MC2R: variants seen among roughly 807,000 people sequenced by gnomAD.
The protein encoded by MC2R is melanocortin 2 receptor.
A neutral mutation model predicts 9.8 loss-of-function variants in MC2R; 9 were observed. That is an observed-to-expected ratio of 0.92 (90% confidence interval 0.55 to 1.60). MC2R has a LOEUF of 1.60. MC2R is among the 40% of genes most tolerant of loss of function. The pLI is 0.00. For synonymous variants in MC2R, 185 were observed against 154.7 expected (o/e 1.20, Z -1.45); for missense variants, 370 against 389.0 (o/e 0.95, Z 0.41).
intron 1 of MC2R, among the ~76,000 whole-genome samples, 175 bp downstream of exon 1, chr18:13,915,313 T>C (rs2045469880): frequency 6.6e-6 from 1 of 152,234 alleles, no homozygotes; most frequent in African/African-American, 2.4e-5. Flanking sequence ...TTCATTGTAG[T>C]AGTTTAATTA....
chr18:13,907,204 CA>C (rs1326631224), intron 1 of MC2R, among the ~76,000 whole-genome samples: 2 of 152,092 alleles, frequency 1.3e-5, no homozygotes, highest in Non-Finnish European at 2.9e-5. Context: ...ATAAATAACC[CA>C]GCTATAAATC....
intron 1 of MC2R, among the ~76,000 whole-genome samples, chr18:13,912,965 C>T (rs73957726): frequency 0.021 from 3,251 of 152,248 alleles, 107 homozygotes; most frequent in African/African-American, 0.074. Context: ...AGAAGCATCT[C>T]TCGGTGTGAT....
intron 1 of MC2R, among the ~76,000 whole-genome samples, chr18:13,909,664 A>G (rs142190297): frequency 2.3e-3 from 343 of 152,304 alleles, no homozygotes; most frequent in Admixed American, 5.3e-3. Context: ...TATTGCTTAA[A>G]TTGTTCCAAC....
At chr18:13,890,551 T>G (rs1221866081) in intron 1 of MC2R, among the ~76,000 whole-genome samples, 1 of 152,058 alleles carries the variant, frequency 6.6e-6, no homozygotes, top group Non-Finnish European at 1.5e-5. Flanking sequence ...CGTGTCGGGG[T>G]GAGGTTCTGG....
At chr18:13,907,770 T>A (rs1442392480) in intron 1 of MC2R, among the ~76,000 whole-genome samples, 3 of 152,162 alleles carry the variant, frequency 2.0e-5, no homozygotes, top group African/African-American at 4.8e-5. Flanking sequence ...CAAACAGGTA[T>A]ATGAAAAATT....
At chr18:13,886,095 T>A (rs182193527) in intron 1 of MC2R, among the ~76,000 whole-genome samples, 1 of 152,082 alleles carries the variant, frequency 6.6e-6, no homozygotes, top group African/African-American at 2.4e-5. Flanking sequence ...GGGCGGGTGA[T>A]GAGAAATTAC....
intron 1 of MC2R, among the ~76,000 whole-genome samples, chr18:13,887,820 A>G (rs1463363939): frequency 6.6e-6 from 1 of 152,100 alleles, no homozygotes; most frequent in Non-Finnish European, 1.5e-5. Context: ...AGACCAGAAC[A>G]CATCATCTAC....
intron 1 of MC2R, among the ~76,000 whole-genome samples, chr18:13,896,752 G>T (rs1323668390): frequency 6.6e-6 from 1 of 152,056 alleles, no homozygotes; most frequent in Admixed American, 6.6e-5. Context: ...CAGTGGCCTT[G>T]AACAAATAAT....
rs1342957472 is a variant in MC2R, at chr18:13,884,818, G to C, written c.701C>G (p.Pro234Arg). The C allele has an allele frequency of 6.2e-7, 1 of 1,614,010 alleles. No individual in the cohort carries two copies. Among genetic ancestry groups the C allele is most frequent in the Admixed American group, 1.7e-5 (1 of 60,020 alleles). Reference sequence around the variant, plus strand: ...CATCAAGAGGACATGAAGCACAAAGGGGGCCCAGCAGAAGATGAAGACCCC... The same window carrying C: ...CATCAAGAGGACATGAAGCACAAAGCGGGCCCAGCAGAAGATGAAGACCCC... Reference protein sequence around the residue: ...LLGVFIFCWAPFVLHVLLMTF... With the variant: ...LLGVFIFCWARFVLHVLLMTF... Residue 234 changes from proline (P) to arginine (R), a missense_variant, in exon 2 of 2, where the codon CCC becomes CGC. Physicochemically the swap from Pro to Arg is moderately radical, Grantham distance 103. Coordinates refer to ENST00000327606, the MANE Select transcript of MC2R (RefSeq NM_000529.2).
rs750654248 is a variant in MC2R at position 13,883,844 on chromosome 18, A to G, written c.*781T>C. The stretch of plus-strand genomic sequence containing the variant: ...ATTTTCATTTCTTCCTTTGAAATGT[A>G]TGCTCATAAAGCATGAGGAAATGTA... On this transcript the variant is annotated 3_prime_UTR_variant, in exon 2 of 2. Coordinates refer to ENST00000327606, the MANE Select transcript of MC2R (RefSeq NM_000529.2). 2 of 152,342 alleles carry G rather than the reference A, an allele frequency of 1.3e-5. No homozygotes were observed. The highest frequency in any genetic ancestry group is 2.4e-5 in the African/African-American group (1 of 41,458). 9.4% of individuals were successfully genotyped at this position (152,342 alleles called of 1,614,324 possible).
At chr18:13,913,920 C>G (rs2045461340) in intron 1 of MC2R, among the ~76,000 whole-genome samples, 1 of 152,220 alleles carries the variant, frequency 6.6e-6, no homozygotes. Context: ...TGCAGACAAC[C>G]TGGCCCACAG....
At chr18:13,896,878 C>T (rs34835077) in intron 1 of MC2R, among the ~76,000 whole-genome samples, 5 of 151,954 alleles carry the variant, frequency 3.3e-5, no homozygotes, top group Admixed American at 1.3e-4. Flanking sequence ...AAATATACTC[C>T]GCAAGTCCAT....
chr18:13,915,450 A>T (rs916069825), intron 1 of MC2R, 38 bp downstream of exon 1: 1 of 152,710 alleles, frequency 6.5e-6, no homozygotes, highest in South Asian at 2.1e-4. Context: ...GTCCAAAAGC[A>T]CTTAGCAAGC....
chr18:13,895,144 C>T (rs1435805856), intron 1 of MC2R, among the ~76,000 whole-genome samples: 1 of 152,180 alleles, frequency 6.6e-6, no homozygotes, highest in Non-Finnish European at 1.5e-5. Context: ...ACTTGAACAA[C>T]CCAGGGTAAT....
chr18:13,886,604 G>A (rs961773595), intron 1 of MC2R, among the ~76,000 whole-genome samples: 1 of 152,190 alleles, frequency 6.6e-6, no homozygotes, highest in Non-Finnish European at 1.5e-5. Context: ...TAACGGTAAA[G>A]GTGCTGATGT....
chr18:13,898,880 G>T (rs758873311), intron 1 of MC2R, among the ~76,000 whole-genome samples: 85 of 152,248 alleles, frequency 5.6e-4, no homozygotes, highest in Non-Finnish European at 9.3e-4. Flanking sequence ...TTAAATATCT[G>T]GAAAGCCTTC....
At position 13,885,510 on chromosome 18, in the gene MC2R, G is replaced by A; in HGVS notation, c.9C>T (p.His3=). MK[H]IINSYENINN... ...TGATGTTTTCATACGAGTTGATAAT[G>A]TGCTTCATTTCTCCTGCTTGTGGTT... The change falls in exon 2 of 2, where the codon CAC becomes CAT. Residue 3 remains histidine, a synonymous_variant. Coordinates refer to ENST00000327606, the MANE Select transcript of MC2R (RefSeq NM_000529.2). 6.2e-7 allele frequency: 1 copy of A among 1,614,140 alleles called. No individual in the cohort carries two copies. The highest frequency in any genetic ancestry group is 8.5e-7 in the Non-Finnish European group (1 of 1,180,036).
chr18:13,900,617 CAAAAT>C (rs2045373171), intron 1 of MC2R, among the ~76,000 whole-genome samples: 5 of 151,992 alleles, frequency 3.3e-5, no homozygotes. Flanking sequence ...TTACATCAGA[CAAAAT>C]AAATTTCAAG....
rs1410366611 is a variant in MC2R at position 13,884,718 on chromosome 18, G to A, written c.801C>T (p.Cys267=). ...ATATGAAGGGGTCAATGACGGCATTGCACATGATCAACATGCCGTTCACCT... is the reference window on the plus strand; with the variant it reads ...ATATGAAGGGGTCAATGACGGCATTACACATGATCAACATGCCGTTCACCT... ...LFQVNGMLIM[C]NAVIDPFIYA... The change falls in exon 2 of 2, where the codon TGC becomes TGT. Residue 267 remains cysteine, a synonymous_variant. Transcript: ENST00000327606. 2 of 1,614,020 alleles carry A rather than the reference G, an allele frequency of 1.2e-6. No individual in the cohort carries two copies. The highest frequency in any genetic ancestry group is 2.7e-5 in the African/African-American group (2 of 74,922).
Sources: allele counts gnomAD v4.1 joint callset (sites outside exome capture counted in the v4.1 genomes callset), GRCh38; gene constraint gnomAD v4.1.1; transcripts MANE v1.5; gene names NCBI Gene and HGNC (gene_info 2026-07-23, HGNC 2026-07-21).